UST: variants seen among roughly 807,000 people sequenced by gnomAD.
UST encodes the protein uronyl 2-sulfotransferase.
A neutral mutation model predicts 45.6 loss-of-function variants in UST; 21 were observed. The ratio of observed to expected loss-of-function variants is 0.46; its 90% confidence interval spans 0.33 to 0.66. The LOEUF (loss-of-function observed/expected upper bound fraction) is 0.66. Ranked by LOEUF, UST falls within the 30% of genes least tolerant of loss-of-function variation. The pLI is 0.02. For synonymous variants in UST, 215 were observed against 200.6 expected, an observed-to-expected ratio of 1.07 and a Z score of -0.61; for missense variants, 463 against 512.4, an observed-to-expected ratio of 0.90 and a Z score of 0.93.
At chr6:148,960,211 C>A (rs2114951847) in intron 4 of UST, among the ~76,000 whole-genome samples, 1 of 152,266 alleles carries the variant, frequency 6.6e-6, no homozygotes, top group South Asian at 2.1e-4. Flanking sequence ...ATCGCTTGAA[C>A]CCAGGAGGCA....
At chr6:148,993,183 G>A (rs1781387713) in intron 5 of UST, 2 of 486,346 alleles carry the variant, frequency 4.1e-6, no homozygotes, top group South Asian at 1.8e-4. Flanking sequence ...CAAGAAAGTG[G>A]AATAAGAAGA....
At chr6:149,040,449 G>A (rs991564455) in intron 7 of UST, among the ~76,000 whole-genome samples, 14 of 152,152 alleles carry the variant, frequency 9.2e-5, no homozygotes, top group Non-Finnish European at 2.1e-4. Flanking sequence ...GAGGGCAGGA[G>A]TTCAAGACCA....
chr6:148,929,895 G>A (rs1262895712), intron 2 of UST, among the ~76,000 whole-genome samples: 1 of 152,154 alleles, frequency 6.6e-6, no homozygotes, highest in Non-Finnish European at 1.5e-5. Flanking sequence ...TATCATACGT[G>A]CAACACACAG....
At chr6:148,917,985 G>A (rs950704348) in intron 2 of UST, among the ~76,000 whole-genome samples, 7 of 152,182 alleles carry the variant, frequency 4.6e-5, no homozygotes, top group African/African-American at 1.7e-4. Flanking sequence ...TCTGTGCATT[G>A]ATAACTGTGG....
intron 7 of UST, among the ~76,000 whole-genome samples, chr6:149,037,256 G>T (rs1347344872): frequency 6.6e-6 from 1 of 152,132 alleles, no homozygotes. Context: ...AGCCAGCTCC[G>T]AAATTCCAGC....
intron 5 of UST, among the ~76,000 whole-genome samples, chr6:148,987,668 A>T (rs1258796298): frequency 6.6e-6 from 1 of 152,106 alleles, no homozygotes; most frequent in African/African-American, 2.4e-5. Context: ...ACTTCCAAAA[A>T]TGTTTCTTCC....
chr6:148,972,184 T>C (rs1780930322), intron 5 of UST, among the ~76,000 whole-genome samples: 1 of 152,214 alleles, frequency 6.6e-6, no homozygotes, highest in African/African-American at 2.4e-5. Context: ...TGTCATTGGC[T>C]GGGATGTGTT....
At chr6:148,767,413 A>G (rs1407344947) in intron 1 of UST, among the ~76,000 whole-genome samples, 1 of 152,242 alleles carries the variant, frequency 6.6e-6, no homozygotes, top group East Asian at 1.9e-4. Context: ...GTGAACATAC[A>G]GATTTTGACC....
chr6:149,062,485 T>G (rs1357640037), intron 7 of UST, among the ~76,000 whole-genome samples: 1 of 152,192 alleles, frequency 6.6e-6, no homozygotes, highest in African/African-American at 2.4e-5. Flanking sequence ...GAACTAAAAA[T>G]GAAAAAGACA....
intron 5 of UST, among the ~76,000 whole-genome samples, chr6:148,984,727 C>T (rs1160458961): frequency 1.3e-5 from 2 of 152,120 alleles, no homozygotes; most frequent in South Asian, 2.1e-4. Context: ...CCAGGCTGGT[C>T]CTGACTCCTG....
chr6:149,009,030 G>A (rs1357587258), intron 5 of UST, among the ~76,000 whole-genome samples: 1 of 152,106 alleles, frequency 6.6e-6, no homozygotes, highest in Non-Finnish European at 1.5e-5. Context: ...ATAAGCAAAT[G>A]GAAACAATAA....
At chr6:148,870,057 A>G (rs150333004) in intron 1 of UST, among the ~76,000 whole-genome samples, 21 of 150,972 alleles carry the variant, frequency 1.4e-4, no homozygotes, top group African/African-American at 5.1e-4. Flanking sequence ...GACTACTTCT[A>G]TTGGATTCTG....
intron 1 of UST, among the ~76,000 whole-genome samples, chr6:148,810,903 G>A (rs1236918478): frequency 6.6e-6 from 1 of 152,146 alleles, no homozygotes; most frequent in East Asian, 1.9e-4. Flanking sequence ...TGGGAGTATT[G>A]TATACTAATT....
chr6:148,974,590 A>G (rs1780981174), intron 5 of UST, among the ~76,000 whole-genome samples: 1 of 152,228 alleles, frequency 6.6e-6, no homozygotes, highest in Admixed American at 6.5e-5. Context: ...TTAACTGGCT[A>G]CAAAATCACA....
At chr6:148,820,625 C>T (rs1414045741) in intron 1 of UST, among the ~76,000 whole-genome samples, 4 of 151,966 alleles carry the variant, frequency 2.6e-5, no homozygotes, top group South Asian at 2.1e-4. Context: ...CCGAGGCAGG[C>T]GGATCACGAG....
intron 2 of UST, among the ~76,000 whole-genome samples, chr6:148,897,972 C>A (rs1424217842): frequency 6.6e-6 from 1 of 151,920 alleles, no homozygotes; most frequent in African/African-American, 2.4e-5. Flanking sequence ...ATATATTGTT[C>A]TCTGTTTCAA....
At chr6:148,842,469 G>A (rs769052604) in intron 1 of UST, among the ~76,000 whole-genome samples, 1 of 152,206 alleles carries the variant, frequency 6.6e-6, no homozygotes, top group Non-Finnish European at 1.5e-5. Context: ...CAAGTCAGAA[G>A]TGCGTGAAGG....
intron 1 of UST, among the ~76,000 whole-genome samples, chr6:148,884,466 T>G (rs1562288904): frequency 6.6e-6 from 1 of 152,102 alleles, no homozygotes; most frequent in African/African-American, 2.4e-5. Flanking sequence ...GAATAGAGAC[T>G]GAATGAAGAG....
intron 5 of UST, among the ~76,000 whole-genome samples, chr6:148,979,351 A>T (rs1314301508): frequency 6.6e-6 from 1 of 152,214 alleles, no homozygotes; most frequent in Non-Finnish European, 1.5e-5. Context: ...GGAGGCTTAA[A>T]GTCCTGTGAG....
Sources: allele counts gnomAD v4.1 joint callset (sites outside exome capture counted in the v4.1 genomes callset), GRCh38; gene constraint gnomAD v4.1.1; transcripts MANE v1.5; gene names NCBI Gene and HGNC (gene_info 2026-07-23, HGNC 2026-07-21).